TMCC1: variants seen among roughly 807,000 people sequenced by gnomAD.
TMCC1 encodes the protein transmembrane and coiled-coil domain family 1.
Under a neutral mutation model 52.4 loss-of-function variants are expected in TMCC1, and 15 were observed. The ratio of observed to expected loss-of-function variants is 0.29; its 90% CI spans 0.19 to 0.44. The LOEUF (loss-of-function observed/expected upper bound fraction) is 0.44. TMCC1 is among the 20% of genes least tolerant of loss of function. The pLI is 1.00. For synonymous variants in TMCC1, 279 were observed against 301.9 expected (o/e 0.92, Z 0.79); for missense variants, 503 against 806.0 (o/e 0.62, Z 4.55).
chr3:129,668,187 C>CA (rs1342839517), intron 5 of TMCC1, among the ~76,000 whole-genome samples: 2 of 152,094 alleles, frequency 1.3e-5, no homozygotes, highest in East Asian at 3.9e-4. Flanking sequence ...GACTCTGTCT[C>CA]AAAACCAATG....
At chr3:129,890,996 A>G (rs1404018510) in intron 1 of TMCC1, among the ~76,000 whole-genome samples, 1 of 152,242 alleles carries the variant, frequency 6.6e-6, no homozygotes, top group East Asian at 1.9e-4. Context: ...AAGACATAAA[A>G]TGTATTTACA....
At chr3:129,683,264 C>T (rs1327432380) in intron 4 of TMCC1, among the ~76,000 whole-genome samples, 2 of 152,184 alleles carry the variant, frequency 1.3e-5, no homozygotes, top group Non-Finnish European at 2.9e-5. Flanking sequence ...TTCCATTCTA[C>T]CTTGTACACC....
intron 4 of TMCC1, among the ~76,000 whole-genome samples, chr3:129,760,364 C>T (rs146540125): frequency 6.6e-6 from 1 of 151,138 alleles, no homozygotes; most frequent in Non-Finnish European, 1.5e-5. Flanking sequence ...GCCTCCTGAA[C>T]AGCTGGGAAC....
At chr3:129,853,828 CAG>C (rs2060023638) in intron 2 of TMCC1, among the ~76,000 whole-genome samples, 1 of 152,102 alleles carries the variant, frequency 6.6e-6, no homozygotes. Flanking sequence ...TGTCTTCCTT[CAG>C]TATTCCTTTT....
intron 4 of TMCC1, among the ~76,000 whole-genome samples, chr3:129,717,862 T>C (rs1028072764): frequency 2.0e-5 from 3 of 152,234 alleles, no homozygotes; most frequent in African/African-American, 7.2e-5. Flanking sequence ...ACAACCAGAA[T>C]GATCCTTTAA....
At chr3:129,737,038 G>C (rs1354131776) in intron 4 of TMCC1, among the ~76,000 whole-genome samples, 2 of 152,158 alleles carry the variant, frequency 1.3e-5, no homozygotes, top group African/African-American at 4.8e-5. Context: ...ACACTGCTAT[G>C]ATCTGCATGT....
intron 2 of TMCC1, among the ~76,000 whole-genome samples, chr3:129,874,436 A>G (rs1397327424): frequency 6.6e-6 from 1 of 152,212 alleles, no homozygotes; most frequent in Non-Finnish European, 1.5e-5. Flanking sequence ...AACTGAGCGC[A>G]GTGGTTCACA....
intron 4 of TMCC1, among the ~76,000 whole-genome samples, chr3:129,709,503 G>GAGAT (rs2048499167): frequency 1.4e-5 from 2 of 138,676 alleles, no homozygotes; most frequent in East Asian, 2.1e-4. Context: ...AAAAAAGAGA[G>GAGAT]AGAGAGAGAA....
rs1233124428 is a variant in TMCC1 at position 129,830,945 on chromosome 3, GT to G, written c.-131+1828del. Among the ~76,000 whole-genome samples the G allele has an allele frequency of 2.0e-5, 3 of 152,070 alleles. No individual in the cohort carries two copies. The South Asian group carries it at 6.2e-4, about 32-fold the overall frequency. On this transcript the variant is annotated intron_variant, in intron 3 of 6. Transcript: ENST00000393238. ...TGTAAAACAATTTATTTTTGTTTTTGTTTTTTTGAGACGGAGTCTTGCTCTT... is the reference window on the plus strand; with the variant it reads ...TGTAAAACAATTTATTTTTGTTTTTGTTTTTTGAGACGGAGTCTTGCTCTT...
chr3:129,860,176 A>T (rs1315120347), intron 2 of TMCC1, among the ~76,000 whole-genome samples: 1 of 152,212 alleles, frequency 6.6e-6, no homozygotes, highest in Non-Finnish European at 1.5e-5. Context: ...AACCACCTAC[A>T]TATAAAAATA....
intron 4 of TMCC1, among the ~76,000 whole-genome samples, chr3:129,747,872 C>T (rs370796801): frequency 6.6e-6 from 1 of 152,150 alleles, no homozygotes. Context: ...CCATGTCCTG[C>T]AGTAGCAGAA....
intron 4 of TMCC1, among the ~76,000 whole-genome samples, chr3:129,740,479 T>G (rs763241636): frequency 3.9e-4 from 59 of 152,192 alleles, no homozygotes; most frequent in Non-Finnish European, 7.2e-4. Context: ...TGTACTTCCT[T>G]TCTGGTATGA....
At chr3:129,805,641 G>A (rs373140865) in intron 4 of TMCC1, among the ~76,000 whole-genome samples, 3 of 152,094 alleles carry the variant, frequency 2.0e-5, no homozygotes, top group Non-Finnish European at 2.9e-5. Context: ...ACAATTAAAA[G>A]AACATTTCTG....
At position 129,741,478 on chromosome 3, in the gene TMCC1, T is replaced by A. The variant is rs116729865; in HGVS notation, c.577-70214A>T. On this transcript the variant is annotated intron_variant, in intron 4 of 6. Transcript: ENST00000393238. ...AGGCAAGCTACCATTCAGAAGGCCA[T>A]GATTTATTCAAGGTCACACACCTAA... Among the ~76,000 whole-genome samples the A allele has an allele frequency of 4.6e-3, 703 of 152,302 alleles. 4 individuals are homozygous for A. The highest frequency in any genetic ancestry group is 7.4e-3 in the Non-Finnish European group (500 of 67,996).
At chr3:129,755,924 C>A (rs868298026) in intron 4 of TMCC1, among the ~76,000 whole-genome samples, 4 of 151,918 alleles carry the variant, frequency 2.6e-5, no homozygotes, top group Non-Finnish European at 5.9e-5. Context: ...ATGGTGAAAC[C>A]CTGTCTCTCC....
At position 129,661,374 on chromosome 3, in the gene TMCC1, C is replaced by T. The variant is rs138993134; in HGVS notation, c.1512-6271G>A. 7.4e-3 allele frequency among the ~76,000 whole-genome samples: 1,126 copies of T among 151,654 alleles called. 7 individuals carry two copies. The highest frequency in any genetic ancestry group is 0.012 in the Non-Finnish European group (813 of 67,900). The stretch of plus-strand genomic sequence containing the variant: ...CCGAGAGGTCAAGGCTGCAGTGAGC[C>T]GAGACTGTGTCACTACCCTCCAGTC... On this transcript the variant is annotated intron_variant, in intron 5 of 6. Coordinates refer to ENST00000393238, the MANE Select transcript of TMCC1 (RefSeq NM_001017395.5).
chr3:129,864,270 C>T (rs1163387503), intron 2 of TMCC1, among the ~76,000 whole-genome samples: 2 of 152,126 alleles, frequency 1.3e-5, no homozygotes, highest in African/African-American at 2.4e-5. Context: ...AGTCAATAAT[C>T]CTAAGAGACT....
chr3:129,892,979 G>A (rs149781348), intron 1 of TMCC1, among the ~76,000 whole-genome samples: 4 of 152,222 alleles, frequency 2.6e-5, no homozygotes, highest in Non-Finnish European at 5.9e-5. Context: ...AGTACGCCGG[G>A]CTCCCTCCTC....
At chr3:129,718,501 C>T (rs182407239) in intron 4 of TMCC1, among the ~76,000 whole-genome samples, 158 of 152,258 alleles carry the variant, frequency 1.0e-3, no homozygotes, top group African/African-American at 3.4e-3. Context: ...CTGTAAACCT[C>T]GAATAATACC....
Sources: gnomAD v4.1 joint callset for allele counts (sites outside exome capture counted in the v4.1 genomes callset) on GRCh38, gnomAD v4.1.1 for gene constraint, MANE v1.5 for transcripts, NCBI Gene and HGNC (gene_info 2026-07-23, HGNC 2026-07-21) for gene names.